Variants in MYOCD observed in about 807,000 individuals in gnomAD.
The protein encoded by MYOCD is myocardin.
A neutral mutation model predicts 96.1 loss-of-function variants in MYOCD; 32 were observed. The ratio of observed to expected loss-of-function variants is 0.33; its 90% CI spans 0.25 to 0.45. The LOEUF (loss-of-function observed/expected upper bound fraction) is 0.45. MYOCD is among the 20% of genes least tolerant of loss of function. The probability of loss-of-function intolerance (pLI) is 1.00; values close to 1 mark genes in which losing one functional copy is unlikely to be tolerated. For synonymous variants in MYOCD, 469 were observed against 469.0 expected, an observed-to-expected ratio of 1.00 and a Z score of 0.00; for missense variants, 1,133 against 1,200.6, an observed-to-expected ratio of 0.94 and a Z score of 0.83.
intron 12 of MYOCD, chr17:12,760,354 G>A (rs1168716463): frequency 5.3e-6 from 2 of 374,608 alleles, no homozygotes; most frequent in Non-Finnish European, 1.0e-5. Flanking sequence ...TAAAGGATGG[G>A]GTGTGGGAAA....
At chr17:12,698,431 T>C (rs16946446) in intron 1 of MYOCD, among the ~76,000 whole-genome samples, 3,261 of 152,238 alleles carry the variant, frequency 0.021, 151 homozygotes, top group Admixed American at 0.11. Context: ...GGAGAGGAAT[T>C]TATTTTGTAT....
chr17:12,743,889 G>A (rs1170876754), intron 7 of MYOCD, among the ~76,000 whole-genome samples: 1 of 152,138 alleles, frequency 6.6e-6, no homozygotes, highest in Non-Finnish European at 1.5e-5. Context: ...TGCACTCATT[G>A]AAACACAGGA....
At position 12,764,751 on chromosome 17, in the gene MYOCD, C is replaced by G. The variant is rs1346520756; in HGVS notation, c.*1107C>G. 1 of 152,156 alleles carries G rather than the reference C, an allele frequency of 6.6e-6. No individual in the cohort carries two copies. The highest frequency in any genetic ancestry group is 1.5e-5 in the Non-Finnish European group (1 of 68,044). 9.4% of individuals were successfully genotyped at this position (152,156 alleles called of 1,614,324 possible). On this transcript the variant is annotated 3_prime_UTR_variant, in exon 14 of 14. Transcript: ENST00000425538. Reference sequence around the variant, plus strand: ...CGTTTGGCCATCTTTCTTTTTCTGCCTCCACATTGGGAGGGGAGGACTTCT... The same window carrying G: ...CGTTTGGCCATCTTTCTTTTTCTGCGTCCACATTGGGAGGGGAGGACTTCT...
chr17:12,704,180 T>A (rs2031196563), intron 1 of MYOCD, among the ~76,000 whole-genome samples: 1 of 152,152 alleles, frequency 6.6e-6, no homozygotes, highest in African/African-American at 2.4e-5. Flanking sequence ...ACACGGTTTT[T>A]ATTTTAGCAG....
chr17:12,753,293 G>A lies in MYOCD; in HGVS notation c.2005G>A (p.Gly669Arg), dbSNP rs1234249515. The A allele has an allele frequency of 1.2e-6, 2 of 1,612,844 alleles. No homozygotes were observed. Among genetic ancestry groups the A allele is most frequent in the South Asian group, 1.1e-5 (1 of 90,850 alleles). The change falls in exon 10 of 14, where the codon GGA becomes AGA. Residue 669 changes from glycine (G) to arginine (R), a missense_variant. By Grantham distance (125) the Gly-to-Arg change is moderately radical (BLOSUM62 -2). Coordinates refer to ENST00000425538, the MANE Select transcript of MYOCD (RefSeq NM_001146312.3). The part of the protein sequence containing the change: ...HFLPSSSGAQ[G>R]EGHRVSSPIS... ...TCTGCCCTCATCCTCCGGGGCCCAG[G>A]GAGAAGGGCACAGGGTCTCCTCGCC...
chr17:12,670,791 G>T (rs1186387355), intron 1 of MYOCD, among the ~76,000 whole-genome samples: 1 of 152,120 alleles, frequency 6.6e-6, no homozygotes, highest in African/African-American at 2.4e-5. Flanking sequence ...TTTTGTAAAT[G>T]CTTGATCAAA....
At chr17:12,690,046 T>G (rs867751521) in intron 1 of MYOCD, among the ~76,000 whole-genome samples, 1 of 152,272 alleles carries the variant, frequency 6.6e-6, no homozygotes, top group Middle Eastern at 3.4e-3. Context: ...CATATAGAGA[T>G]GTTAAATGCC....
At chr17:12,756,041 TAAAAAGTAGAGGGCCAGGAAAGG>T (rs2033001997) in intron 10 of MYOCD, among the ~76,000 whole-genome samples, 1 of 152,020 alleles carries the variant, frequency 6.6e-6, no homozygotes, top group Non-Finnish European at 1.5e-5. Flanking sequence ...AGTGTCACGT[TAAAAAGTAGAGGGCCAGGAAAGG>T]GACAAGGTAG....
rs567868206 is a variant in MYOCD at position 12,676,237 on chromosome 17, G to A, written c.55+9994G>A. On this transcript the variant is annotated intron_variant, in intron 1 of 13. Transcript: ENST00000425538. ...TTTAGACTTAGCACCCTCCCCCTGC[G>A]CGCGCACGCACACACACACACACAC... Among the ~76,000 whole-genome samples, 83 of 101,664 alleles carry A rather than the reference G, an allele frequency of 8.2e-4. No individual in the cohort carries two copies. In the East Asian group the frequency reaches 0.015, roughly 18 times the overall value. The allele number at this position is 101,664 out of a possible 152,430, so 66.7% of individuals were successfully genotyped here. A position where few individuals can be genotyped will look rare whatever the true frequency, so the allele number is the denominator to read the frequency against.
intron 4 of MYOCD, among the ~76,000 whole-genome samples, chr17:12,719,698 CAAAA>C (rs57311284): frequency 2.8e-5 from 3 of 106,294 alleles, no homozygotes; most frequent in African/African-American, 3.8e-5. Context: ...ACTAAAAATA[CAAAA>C]AAAAAAAAAA....
chr17:12,700,661 G>A (rs1031926474), intron 1 of MYOCD, among the ~76,000 whole-genome samples: 2 of 151,640 alleles, frequency 1.3e-5, no homozygotes, highest in East Asian at 1.9e-4. Context: ...TGATCCACCC[G>A]TCTGGGCCTC....
intron 1 of MYOCD, among the ~76,000 whole-genome samples, chr17:12,699,994 C>T (rs2108657): frequency 7.0e-6 from 1 of 143,076 alleles, no homozygotes. Context: ...ACTGCAACCT[C>T]TGCCTCCCAG....
chr17:12,731,670 G>C lies in MYOCD; in HGVS notation c.416-4491G>C, dbSNP rs568456666. On this transcript the variant is annotated intron_variant, in intron 5 of 13. Transcript: ENST00000425538. ...CCATTTTATAGATGGGGAAACTGAGGCTCAGAGAGGTCAAATAACTTGCCA... is the reference window on the plus strand; with the variant it reads ...CCATTTTATAGATGGGGAAACTGAGCCTCAGAGAGGTCAAATAACTTGCCA... Among the ~76,000 whole-genome samples, 6 of 152,226 alleles carry C rather than the reference G, an allele frequency of 3.9e-5. No homozygotes were observed. The East Asian group carries it at 1.2e-3, about 29-fold the overall frequency.
chr17:12,668,485 C>T (rs1205029372), intron 1 of MYOCD, among the ~76,000 whole-genome samples: 2 of 152,222 alleles, frequency 1.3e-5, no homozygotes, highest in African/African-American at 2.4e-5. Flanking sequence ...AAATCATCAT[C>T]GATGTCAACC....
At position 12,767,645 on chromosome 17, in the gene MYOCD, G is replaced by T. The variant is rs12937647; in HGVS notation, c.*4001G>T. Reference sequence around the variant, plus strand: ...AGGGGTCTTCATTTTTCCAAGAGGGGGTGGAGGTGGGGATCACTTTTTAGC... The same window carrying T: ...AGGGGTCTTCATTTTTCCAAGAGGGTGTGGAGGTGGGGATCACTTTTTAGC... On this transcript the variant is annotated 3_prime_UTR_variant, in exon 14 of 14. Coordinates refer to ENST00000425538, the MANE Select transcript of MYOCD (RefSeq NM_001146312.3). The T allele has an allele frequency of 0.24, 35,991 of 151,994 alleles. 4,910 individuals carry two copies. Among genetic ancestry groups the T allele is most frequent in the Non-Finnish European group, 0.3 (20,490 of 67,950 alleles). The allele number at this position is 151,994 out of a possible 1,614,324, so 9.4% of individuals were successfully genotyped here. A position where few individuals can be genotyped will look rare whatever the true frequency, so the allele number is the denominator to read the frequency against.
intron 4 of MYOCD, among the ~76,000 whole-genome samples, chr17:12,719,068 A>T (rs1464904104): frequency 6.7e-6 from 1 of 150,214 alleles, no homozygotes; most frequent in African/African-American, 2.5e-5. Context: ...CCAGCTACTC[A>T]GGAGGCTGAA....
chr17:12,674,418 C>A (rs960341091), intron 1 of MYOCD, among the ~76,000 whole-genome samples: 8 of 152,098 alleles, frequency 5.3e-5, no homozygotes, highest in African/African-American at 2.4e-5. Context: ...ATTACACATG[C>A]CATTCCTACA....
intron 1 of MYOCD, among the ~76,000 whole-genome samples, chr17:12,701,639 T>C (rs972406923): frequency 7.9e-5 from 12 of 152,266 alleles, no homozygotes; most frequent in African/African-American, 2.6e-4. Context: ...TGATTTAATG[T>C]TTCTCTTTTT....
At chr17:12,701,319 G>A (rs1266065980) in intron 1 of MYOCD, among the ~76,000 whole-genome samples, 3 of 152,162 alleles carry the variant, frequency 2.0e-5, no homozygotes, top group African/African-American at 7.2e-5. Flanking sequence ...GGAAGAGGCA[G>A]GGGAATCGCT....
Sources: allele counts gnomAD v4.1 joint callset (sites outside exome capture counted in the v4.1 genomes callset), GRCh38; gene constraint gnomAD v4.1.1; transcripts MANE v1.5; gene names NCBI Gene and HGNC (gene_info 2026-07-23, HGNC 2026-07-21).